Variants in NAV2 observed in about 807,000 individuals in gnomAD.
NAV2 encodes helicase, APC down-regulated 1.
Under a neutral mutation model 223.2 loss-of-function variants are expected in NAV2, and 54 were observed. The observed-to-expected ratio is 0.24, with a 90% CI of 0.19 to 0.30. NAV2 has a LOEUF of 0.30. NAV2 is among the 10% of genes least tolerant of loss of function. The pLI is 1.00. For missense variants in NAV2, 2,806 were observed against 3,147.5 expected (o/e 0.89, Z 2.60); for synonymous variants, 1,279 against 1,239.3 (o/e 1.03, Z -0.67).
intron 1 of NAV2, among the ~76,000 whole-genome samples, chr11:19,538,324 C>A (rs2044244805): frequency 6.6e-6 from 1 of 152,058 alleles, no homozygotes; most frequent in Non-Finnish European, 1.5e-5. Flanking sequence ...TCTATTCTAG[C>A]ACACTCCTCT....
intron 10 of NAV2, among the ~76,000 whole-genome samples, chr11:19,976,243 G>A (rs2049734735): frequency 6.6e-6 from 1 of 152,082 alleles, no homozygotes; most frequent in Admixed American, 6.5e-5. Context: ...GAAGGTCTCG[G>A]ATATTGCTTT....
intron 1 of NAV2, among the ~76,000 whole-genome samples, chr11:19,624,044 C>G (rs553261514): frequency 2.0e-5 from 3 of 152,208 alleles, no homozygotes; most frequent in African/African-American, 7.2e-5. Context: ...TCCAGACCCT[C>G]TTTGCCTGAG....
intron 2 of NAV2, among the ~76,000 whole-genome samples, chr11:19,836,661 A>C (rs1221203960): frequency 1.3e-5 from 2 of 152,116 alleles, no homozygotes; most frequent in Non-Finnish European, 2.9e-5. Context: ...TGGGCAGCTT[A>C]CTACCTTTTC....
Position 20,036,012 on chromosome 11 carries a change from T to G in NAV2, c.2822T>G (p.Leu941Arg), listed in dbSNP as rs1381912009. The change falls in exon 12 of 38, where the codon CTC (leucine) becomes CGC (arginine). Residue 941 changes from leucine to arginine, a missense_variant. Leu to Arg is a moderately radical substitution (Grantham distance 102, BLOSUM62 -2). This residue lies in a region of NAV2 where 73 missense variants were observed against 119.7 expected (regional missense o/e 0.61). Transcript: ENST00000349880. ...GGCATCAGCGACACCATAGACAACCTCAGCACTGATGACATCAACACCAGC... is the reference window on the plus strand; with the variant it reads ...GGCATCAGCGACACCATAGACAACCGCAGCACTGATGACATCAACACCAGC... The part of the protein sequence containing the change: ...SSGISDTIDN[L>R]STDDINTSSS... The G allele has an allele frequency of 6.2e-7, 1 of 1,614,104 alleles. No homozygotes were observed. The highest frequency in any genetic ancestry group is 8.5e-7 in the Non-Finnish European group (1 of 1,179,992).
rs115163326 is a variant in NAV2, at chr11:19,590,441, C to T, written c.75+239414C>T. 7.8e-3 allele frequency among the ~76,000 whole-genome samples: 1,195 copies of T among 152,254 alleles called. 12 individuals are homozygous for T. The highest frequency in any genetic ancestry group is 0.027 in the African/African-American group (1,109 of 41,536). ...TACCCAGGACTGCCTCCCAGCTCCC[C>T]GCACCCCAGGCACCTCTGCAGAACC... On this transcript the variant is annotated intron_variant, in intron 1 of 37. Coordinates refer to the NAV2 transcript ENST00000360655.
chr11:19,649,970 C>G (rs1296932686), intron 1 of NAV2, among the ~76,000 whole-genome samples: 4 of 152,160 alleles, frequency 2.6e-5, no homozygotes, highest in Admixed American at 2.6e-4. Context: ...GCAACTGAAA[C>G]TTTTTCTGTC....
At chr11:19,881,004 G>C (rs1450242388) in intron 5 of NAV2, among the ~76,000 whole-genome samples, 1 of 152,186 alleles carries the variant, frequency 6.6e-6, no homozygotes, top group Non-Finnish European at 1.5e-5. Flanking sequence ...AATATGTGCT[G>C]AAGAGTAATG....
chr11:20,016,838 C>CAAAAA, intron 11 of NAV2, among the ~76,000 whole-genome samples: 1 of 145,500 alleles, frequency 6.9e-6, no homozygotes, highest in South Asian at 2.2e-4. Context: ...TACTAAAATA[C>CAAAAA]AAAAAAAAAA....
intron 1 of NAV2, among the ~76,000 whole-genome samples, chr11:19,749,705 G>A (rs565584010): frequency 6.6e-6 from 1 of 152,198 alleles, no homozygotes; most frequent in Admixed American, 6.5e-5. Flanking sequence ...TTTGTGAGGA[G>A]AATTGAGTTC....
At position 19,605,683 on chromosome 11, in the gene NAV2, A is replaced by G. The variant is rs114898751; in HGVS notation, c.76-226801A>G. On this transcript the variant is annotated intron_variant, in intron 1 of 37. Transcript: ENST00000360655. ...AAGCCTTCCTGGCATAGGCAGCCGC[A>G]CTGCCTCCTGGACCTCATTTGTTTG... Among the ~76,000 whole-genome samples the G allele has an allele frequency of 1.6e-3, 251 of 152,228 alleles. 1 individual carries two copies. Among genetic ancestry groups the G allele is most frequent in the African/African-American group, 5.8e-3 (243 of 41,544 alleles).
At chr11:19,652,122 A>G (rs1236688960) in intron 1 of NAV2, among the ~76,000 whole-genome samples, 1 of 152,164 alleles carries the variant, frequency 6.6e-6, no homozygotes, top group East Asian at 1.9e-4. Flanking sequence ...TTAACCAATT[A>G]AATGAAGCCT....
At chr11:19,354,026 T>C (rs372269435) in intron 1 of NAV2, among the ~76,000 whole-genome samples, 6 of 152,214 alleles carry the variant, frequency 3.9e-5, no homozygotes, top group African/African-American at 1.4e-4. Flanking sequence ...AGTTACACTG[T>C]AGAAGTGCCA....
intron 10 of NAV2, among the ~76,000 whole-genome samples, chr11:19,960,593 A>C (rs556941170): frequency 0.036 from 4,893 of 136,180 alleles, 249 homozygotes; most frequent in African/African-American, 0.15. Flanking sequence ...TTAAAATTTT[A>C]TTTATTTATT....
chr11:19,375,847 C>T (rs562639186), intron 1 of NAV2, among the ~76,000 whole-genome samples: 44 of 152,128 alleles, frequency 2.9e-4, no homozygotes, highest in Admixed American at 1.2e-3. Context: ...TGTGTGTTTA[C>T]GATCATTTTA....
At chr11:19,664,853 CAT>C (rs1163139871) in intron 1 of NAV2, among the ~76,000 whole-genome samples, 5 of 152,206 alleles carry the variant, frequency 3.3e-5, no homozygotes, top group Admixed American at 2.6e-4. Context: ...ATGTGCTAGA[CAT>C]ATTTATATTC....
At chr11:19,835,894 A>G (rs2060200571) in intron 2 of NAV2, among the ~76,000 whole-genome samples, 1 of 152,080 alleles carries the variant, frequency 6.6e-6, no homozygotes, top group South Asian at 2.1e-4. Context: ...GCTCCTACTT[A>G]TTCTTGAAAA....
At chr11:19,585,972 T>A (rs1262587492) in intron 1 of NAV2, among the ~76,000 whole-genome samples, 1 of 152,210 alleles carries the variant, frequency 6.6e-6, no homozygotes, top group Admixed American at 6.5e-5. Flanking sequence ...TCCTGCAGAG[T>A]GTTTTCCAAC....
At chr11:19,496,535 C>T (rs969278106) in intron 1 of NAV2, among the ~76,000 whole-genome samples, 2 of 152,178 alleles carry the variant, frequency 1.3e-5, no homozygotes, top group Non-Finnish European at 2.9e-5. Context: ...TAGCTGACTT[C>T]CTCCAAAGCA....
At position 19,948,999 on chromosome 11, in the gene NAV2, G is replaced by C. The variant is rs766195871; in HGVS notation, c.2564G>C (p.Gly855Ala). 1.2e-6 allele frequency: 2 copies of C among 1,613,864 alleles called. No individual in the cohort carries two copies. Among genetic ancestry groups the C allele is most frequent in the South Asian group, 2.2e-5 (2 of 91,074 alleles). Reference sequence around the variant, plus strand: ...GCAGGAGATGAGATGGACCTGGAAGGCATCAGCATGGATGCCCCCGGCTAC... The same window carrying C: ...GCAGGAGATGAGATGGACCTGGAAGCCATCAGCATGGATGCCCCCGGCTAC... Reference protein sequence around the residue: ...DKAGDEMDLEGISMDAPGYMS... With the variant: ...DKAGDEMDLEAISMDAPGYMS... Residue 855 changes from glycine to alanine, a missense_variant, in exon 10 of 38, where the codon GGC becomes GCC. This residue lies in a region of NAV2 where 1,167 missense variants were observed against 1,180.5 expected (regional missense o/e 0.99). Coordinates refer to ENST00000349880, the MANE Select transcript of NAV2 (RefSeq NM_145117.5).
Sources: allele counts gnomAD v4.1 joint callset (sites outside exome capture counted in the v4.1 genomes callset), GRCh38; gene constraint gnomAD v4.1.1; regional missense constraint gnomAD v4.1.1; transcripts MANE v1.5; gene names NCBI Gene and HGNC (gene_info 2026-07-23, HGNC 2026-07-21).